The following PLEKHM2 variants were observed in gnomAD, a reference collection of about 807,000 sequenced individuals.
The protein encoded by PLEKHM2 is pleckstrin homology and RUN domain containing M2, also known as pleckstrin homology domain-containing family M member 2.
PLEKHM2 carries 77 observed loss-of-function variants against 116.3 expected under a neutral mutation model. The ratio of observed to expected loss-of-function variants is 0.66; its 90% CI spans 0.55 to 0.80. The LOEUF is 0.80. PLEKHM2 is among the 30% of genes least tolerant of loss of function. The pLI is 0.00. For synonymous variants in PLEKHM2, 562 were observed against 571.0 expected (o/e 0.98, Z 0.22); for missense variants, 1,183 against 1,354.9 (o/e 0.87, Z 1.99).
chr1:15,719,691 A>C lies in PLEKHM2; in HGVS notation c.466-43A>C, dbSNP rs756678956. ...CCTGCTGTCTGCAGAAGGCCGCTGC[A>C]CGAGGCCTCCCACCAAACGGGCCTC... is the stretch of plus-strand genomic sequence containing the variant. On this transcript the variant is annotated intron_variant, in intron 5 of 19. Coordinates refer to ENST00000375799, the MANE Select transcript of PLEKHM2 (RefSeq NM_015164.4). This position sits in a 1 kb window ranked among gnomAD's most constrained non-coding sequence, Gnocchi z 4.1. 7.0e-7 allele frequency: 1 copy of C among 1,435,800 alleles called. No homozygotes were observed. The highest frequency in any genetic ancestry group is 1.2e-5 in the South Asian group (1 of 84,124). 88.9% of individuals were successfully genotyped at this position (1,435,800 alleles called of 1,614,324 possible). A position where few individuals can be genotyped will look rare whatever the true frequency, so the allele number is the denominator to read the frequency against.
chr1:15,683,239 G>A (rs1031826254), upstream of PLEKHM2: 1 of 152,350 alleles, frequency 6.6e-6, no homozygotes, highest in Non-Finnish European at 1.5e-5. Context: ...GCTGGGGACT[G>A]GAGTCTAGGC....
At chr1:15,699,950 C>T (rs1340086197) in intron 1 of PLEKHM2, among the ~76,000 whole-genome samples, 4 of 151,290 alleles carry the variant, frequency 2.6e-5, no homozygotes, top group Non-Finnish European at 4.4e-5. Context: ...TGTGATGAGC[C>T]ACTGCACTCC....
At chr1:15,693,813 A>G (rs977858342) in intron 1 of PLEKHM2, among the ~76,000 whole-genome samples, 3 of 152,198 alleles carry the variant, frequency 2.0e-5, no homozygotes, top group African/African-American at 7.2e-5. Context: ...TAATGTGGAA[A>G]GGCAAGAGCT....
intron 6 of PLEKHM2, chr1:15,720,422 C>G: frequency 6.1e-6 from 6 of 985,320 alleles, no homozygotes; most frequent in Non-Finnish European, 7.2e-6. Context: ...TGAGTTCCTT[C>G]TGCGCTCGCT....
intron 14 of PLEKHM2, 82 bp from the exon 15 acceptor site, chr1:15,730,450 A>AG (rs1327606686): frequency 4.9e-6 from 6 of 1,221,350 alleles, no homozygotes; most frequent in Non-Finnish European, 6.7e-6. Context: ...TCAAAAAGAA[A>AG]AAAAAAGAAC....
chr1:15,729,724 G>A lies in PLEKHM2; in HGVS notation c.2076-73G>A, dbSNP rs1466718286. 21 of 1,391,912 alleles carry A rather than the reference G, an allele frequency of 1.5e-5. No homozygotes were observed. Among genetic ancestry groups the A allele is most frequent in the East Asian group, 4.6e-5 (2 of 43,436 alleles). 86.2% of individuals were successfully genotyped at this position (1,391,912 alleles called of 1,614,324 possible). The stretch of plus-strand genomic sequence containing the variant: ...TCTGTGACCCCTCCAGGCCAGCAGC[G>A]CTCAAGACTAAGCCCTGTCCAGTTG... On this transcript the variant is annotated intron_variant, in intron 13 of 19. Coordinates refer to ENST00000375799, the MANE Select transcript of PLEKHM2 (RefSeq NM_015164.4). The surrounding 1 kb of genome is among the most constrained non-coding windows in gnomAD (Gnocchi z 4.7).
chr1:15,692,482 G>A (rs1052254489), intron 1 of PLEKHM2, among the ~76,000 whole-genome samples: 3 of 152,190 alleles, frequency 2.0e-5, no homozygotes, highest in African/African-American at 4.8e-5. Flanking sequence ...TCCCTAACCC[G>A]GAAACCATGT....
At position 15,684,519 on chromosome 1, in the gene PLEKHM2, CGGCGGTGGCGGT is replaced by C. The variant is rs766819146; in HGVS notation, c.-28_-17del. On this transcript the variant is annotated 5_prime_UTR_variant, in exon 1 of 20. Transcript: ENST00000375799. ...GCGGGAAGCGGCGGCGGGGCGGCGG[CGGCGGTGGCGGT>C]GGCGGTGGCGGCGACGGTGGCAGCG... The C allele has an allele frequency of 1.8e-5, 20 of 1,095,670 alleles. No homozygotes were observed. The highest frequency in any genetic ancestry group is 4.1e-5 in the South Asian group (1 of 24,546). 67.9% of individuals were successfully genotyped at this position (1,095,670 alleles called of 1,614,324 possible).
At chr1:15,698,430 C>G (rs140665716) in intron 1 of PLEKHM2, among the ~76,000 whole-genome samples, 322 of 152,162 alleles carry the variant, frequency 2.1e-3, no homozygotes, top group African/African-American at 7.3e-3. Flanking sequence ...GTCTTGAACT[C>G]CTGGGCTCAA....
chr1:15,705,424 C>A (rs1641206437), intron 1 of PLEKHM2, among the ~76,000 whole-genome samples: 1 of 151,942 alleles, frequency 6.6e-6, no homozygotes. Context: ...TCAGACGATC[C>A]ACTCACCTCG....
Position 15,732,043 on chromosome 1 carries a change from A to G in PLEKHM2, c.2620A>G (p.Lys874Glu), listed in dbSNP as rs970061065. The change falls in exon 17 of 20, where the codon AAA (lysine) becomes GAA (glutamate). Residue 874 changes from lysine (K) to glutamate (E), a missense_variant. By Grantham distance (56) the Lys-to-Glu change is moderately conservative. Around this residue, in one of 3 missense-constraint regions of PLEKHM2, gnomAD observed 594 missense variants for 720.1 expected, o/e 0.82. Coordinates refer to ENST00000375799, the MANE Select transcript of PLEKHM2 (RefSeq NM_015164.4). ...WMQHLCQAVS[K>E]GVIPQGVAPS... The stretch of plus-strand genomic sequence containing the variant: ...GCAGCATCTCTGCCAGGCTGTGTCC[A>G]AAGGGGTGAGCTTCGCCTGCCCCTA... 4.2e-5 allele frequency: 68 copies of G among 1,610,770 alleles called. No homozygotes were observed. The highest frequency in any genetic ancestry group is 5.2e-5 in the Non-Finnish European group (61 of 1,179,094).
intron 1 of PLEKHM2, among the ~76,000 whole-genome samples, chr1:15,685,539 CT>C (rs1640750034): frequency 5.1e-5 from 2 of 39,482 alleles, no homozygotes; most frequent in Non-Finnish European, 9.7e-5. Context: ...GTCTCAGAAA[CT>C]GAAAAAAAAA....
Position 15,728,787 on chromosome 1 carries a change from C to T in PLEKHM2, c.1986+54C>T. The T allele has an allele frequency of 6.7e-7, 1 of 1,484,008 alleles. No homozygotes were observed. Among genetic ancestry groups the T allele is most frequent in the Non-Finnish European group, 9.3e-7 (1 of 1,078,808 alleles). 91.9% of individuals were successfully genotyped at this position (1,484,008 alleles called of 1,614,324 possible). A position where few individuals can be genotyped will look rare whatever the true frequency, so the allele number is the denominator to read the frequency against. On this transcript the variant is annotated intron_variant, in intron 12 of 19. Coordinates refer to ENST00000375799, the MANE Select transcript of PLEKHM2 (RefSeq NM_015164.4). The surrounding 1 kb of genome is among the most constrained non-coding windows in gnomAD (Gnocchi z 5.9). ...TGCTGTAGGTACAGGGCTTCTCAAG[C>T]CACTTACCCATAGAACTGCAGGGCG...
chr1:15,684,500 AGCGGCGGCGGGGCG>A lies in PLEKHM2; in HGVS notation c.-48_-35del, dbSNP rs1640718863. 1 of 908,322 alleles carries A rather than the reference AGCGGCGGCGGGGCG, an allele frequency of 1.1e-6. No homozygotes were observed. The highest frequency in any genetic ancestry group is 1.3e-6 in the Non-Finnish European group (1 of 772,208). 56.3% of individuals were successfully genotyped at this position (908,322 alleles called of 1,614,324 possible). A position where few individuals can be genotyped will look rare whatever the true frequency, so the allele number is the denominator to read the frequency against. ...GCGGCCCCCGGCCCCCGGCGCGGGA[AGCGGCGGCGGGGCG>A]GCGGCGGCGGTGGCGGTGGCGGTGG... On this transcript the variant is annotated 5_prime_UTR_variant, in exon 1 of 20. Coordinates refer to ENST00000375799, the MANE Select transcript of PLEKHM2 (RefSeq NM_015164.4).
chr1:15,719,953 C>G lies in PLEKHM2; in HGVS notation c.652+33C>G, dbSNP rs1402763451. The G allele has an allele frequency of 1.9e-6, 3 of 1,572,036 alleles. No homozygotes were observed. The highest frequency in any genetic ancestry group is 2.6e-6 in the Non-Finnish European group (3 of 1,150,850). The stretch of plus-strand genomic sequence containing the variant: ...GCCCCAGGGCAGAAAAGCTAAGCCC[C>G]TGTTGTGAAACAGACTTGAACTGCT... On this transcript the variant is annotated intron_variant, in intron 6 of 19. Transcript: ENST00000375799. The surrounding 1 kb of genome is among the most constrained non-coding windows in gnomAD (Gnocchi z 4.1).
rs756795422 is a variant in PLEKHM2 at position 15,733,809 on chromosome 1, C to A, written c.2935C>A (p.His979Asn). The change falls in exon 20 of 20, where the codon CAC becomes AAC. Residue 979 changes from histidine (H) to asparagine (N), a missense_variant. Physicochemically the swap from His to Asn is moderately conservative, Grantham distance 68 (BLOSUM62 1). This residue lies in a region of PLEKHM2 where 594 missense variants were observed against 720.1 expected (regional missense o/e 0.82). Coordinates refer to ENST00000375799, the MANE Select transcript of PLEKHM2 (RefSeq NM_015164.4). ...CGCCCCAACACAGGTGGACCTCCCC[C>A]ACACGGCGATCCAGGAAGCCTCCAA... ...WKTIYQVDLP[H>N]TAIQEASNKK... 9 of 1,612,878 alleles carry A rather than the reference C, an allele frequency of 5.6e-6. No individual in the cohort carries two copies. In the African/African-American group the frequency reaches 9.3e-5, roughly 17 times the overall value.
intron 19 of PLEKHM2, 96 bp from the exon 20 acceptor site, chr1:15,733,701 C>G (rs775095154): frequency 7.3e-7 from 1 of 1,371,500 alleles, no homozygotes; most frequent in Non-Finnish European, 1.0e-6. Context: ...ACAGGGGCTC[C>G]GTGGCCAAGG....
intron 1 of PLEKHM2, among the ~76,000 whole-genome samples, chr1:15,699,787 C>T (rs990625027): frequency 2.0e-5 from 3 of 151,808 alleles, no homozygotes; most frequent in African/African-American, 7.3e-5. Flanking sequence ...TAGTGAGACT[C>T]CATCTCTATT....
Position 15,717,807 on chromosome 1 carries a change from T to G in PLEKHM2, c.278-86T>G, listed in dbSNP as rs1571052286. ...AAGTGCCTGGTCCCATTACCTGCTC[T>G]TTCTTTCCTTTCTGCGCTTGCTTGG... On this transcript the variant is annotated intron_variant, in intron 3 of 19. Coordinates refer to ENST00000375799, the MANE Select transcript of PLEKHM2 (RefSeq NM_015164.4). 7.0e-6 allele frequency: 6 copies of G among 858,076 alleles called. No homozygotes were observed. The East Asian group carries it at 1.6e-4, about 23-fold the overall frequency. The allele number at this position is 858,076 out of a possible 1,614,324, so 53.2% of individuals were successfully genotyped here.
Sources: gnomAD v4.1 joint callset for allele counts (sites outside exome capture counted in the v4.1 genomes callset) on GRCh38, gnomAD v4.1.1 for gene constraint, gnomAD v4.1.1 regional missense constraint, Gnocchi (gnomAD v3.1) non-coding constraint, MANE v1.5 for transcripts, NCBI Gene and HGNC (gene_info 2026-07-23, HGNC 2026-07-21) for gene names.